The following PRDM5 variants were observed in gnomAD, a reference collection of about 807,000 sequenced individuals.
PRDM5 encodes the protein PR domain zinc finger protein 5.
Under a neutral mutation model 81.2 loss-of-function variants are expected in PRDM5, and 56 were observed. The ratio of observed to expected loss-of-function variants is 0.69; its 90% CI spans 0.56 to 0.86. PRDM5 has a LOEUF of 0.86. Ranked by LOEUF, PRDM5 falls within the 40% of genes least tolerant of loss-of-function variation. The pLI is 0.00. For synonymous variants in PRDM5, 267 were observed against 256.4 expected (o/e 1.04, Z -0.39); for missense variants, 697 against 770.1 (o/e 0.91, Z 1.12).
intron 10 of PRDM5, among the ~76,000 whole-genome samples, chr4:120,795,086 A>C (rs939025939): frequency 4.6e-5 from 7 of 152,216 alleles, no homozygotes; most frequent in African/African-American, 1.7e-4. Context: ...TAAGCCTCTA[A>C]AGTTTCATCC....
chr4:120,877,666 A>G (rs553300086), intron 2 of PRDM5, among the ~76,000 whole-genome samples: 43 of 152,262 alleles, frequency 2.8e-4, no homozygotes, highest in Non-Finnish European at 4.6e-4. Context: ...TTAGCTGGGC[A>G]TGGTGGCACA....
At chr4:120,805,135 C>A (rs1752723686) in intron 8 of PRDM5, among the ~76,000 whole-genome samples, 1 of 152,148 alleles carries the variant, frequency 6.6e-6, no homozygotes, top group African/African-American at 2.4e-5. Context: ...CATACACCCT[C>A]CCAAGACTAA....
chr4:120,745,952 C>T (rs1267078801), intron 14 of PRDM5, among the ~76,000 whole-genome samples: 594 of 126,434 alleles, frequency 4.7e-3, no homozygotes, highest in South Asian at 7.7e-3. Context: ...CATATGGAAC[C>T]AAAAAAGAGC....
chr4:120,809,459 CAAGT>C (rs1412796874), intron 8 of PRDM5, among the ~76,000 whole-genome samples: 1 of 151,814 alleles, frequency 6.6e-6, no homozygotes, highest in Non-Finnish European at 1.5e-5. Context: ...GTGAAAATGA[CAAGT>C]AATACTATTT....
intron 2 of PRDM5, among the ~76,000 whole-genome samples, chr4:120,906,981 T>C (rs1205486512): frequency 6.8e-6 from 1 of 147,030 alleles, no homozygotes; most frequent in African/African-American, 2.5e-5. Flanking sequence ...TCTAGTAAGA[T>C]ATCTCAACAG....
rs368866083 is a variant in PRDM5 at position 120,695,148 on chromosome 4, A to C, written c.1856T>G (p.Val619Gly). ...KKFTRNDYLK[V>G]HMDNIHGVAD... ...TACACCATGGATATTGTCCATGTGC[A>C]CTTTGAGGTAGTCATTCCTTGTAAA... Residue 619 changes from valine (V) to glycine (G), a missense_variant, in exon 16 of 16, where the codon GTG (valine) becomes GGG (glycine). By Grantham distance (109) the Val-to-Gly change is moderately radical. Around this residue, in one of 3 missense-constraint regions of PRDM5, gnomAD observed 34 missense variants for 28.1 expected, o/e 1.21. Transcript: ENST00000264808. 1 of 1,613,266 alleles carries C rather than the reference A, an allele frequency of 6.2e-7. No individual in the cohort carries two copies. Among genetic ancestry groups the C allele is most frequent in the Non-Finnish European group, 8.5e-7 (1 of 1,179,462 alleles).
chr4:120,711,194 A>C (rs1031003238), intron 14 of PRDM5, among the ~76,000 whole-genome samples: 1 of 152,220 alleles, frequency 6.6e-6, no homozygotes, highest in Non-Finnish European at 1.5e-5. Context: ...AGAGGGTACA[A>C]ATTGTTTACT....
At chr4:120,720,515 G>C (rs1354609217) in intron 14 of PRDM5, among the ~76,000 whole-genome samples, 1 of 152,192 alleles carries the variant, frequency 6.6e-6, no homozygotes, top group Non-Finnish European at 1.5e-5. Flanking sequence ...ACACAGCTGA[G>C]GGAACAGAGC....
intron 2 of PRDM5, among the ~76,000 whole-genome samples, chr4:120,889,456 C>A (rs1763811898): frequency 6.6e-6 from 1 of 152,094 alleles, no homozygotes; most frequent in African/African-American, 2.4e-5. Flanking sequence ...TACTTCAAAG[C>A]TGCCTTGATG....
chr4:120,753,435 A>T (rs1327200048), intron 14 of PRDM5, among the ~76,000 whole-genome samples: 5 of 152,192 alleles, frequency 3.3e-5, no homozygotes, highest in African/African-American at 1.2e-4. Flanking sequence ...AGAGTGAGAA[A>T]CCTGCTATAG....
intron 15 of PRDM5, among the ~76,000 whole-genome samples, chr4:120,708,557 AGGT>A (rs1352812763): frequency 1.3e-5 from 2 of 152,054 alleles, no homozygotes; most frequent in Non-Finnish European, 2.9e-5. Flanking sequence ...GGAGTTAGAG[AGGT>A]GGTGCTTGTA....
At chr4:120,755,083 C>T (rs1744529937) in intron 13 of PRDM5, among the ~76,000 whole-genome samples, 1 of 152,098 alleles carries the variant, frequency 6.6e-6, no homozygotes, top group Admixed American at 6.5e-5. Context: ...GAATTTGACT[C>T]AGTTAAGGCT....
chr4:120,849,333 C>G (rs1481378163), intron 3 of PRDM5, among the ~76,000 whole-genome samples: 1 of 152,114 alleles, frequency 6.6e-6, no homozygotes, highest in Admixed American at 6.5e-5. Context: ...TTATGACTAT[C>G]CATCCTCAGG....
chr4:120,760,885 T>C (rs1382518525), intron 13 of PRDM5, among the ~76,000 whole-genome samples: 1 of 151,942 alleles, frequency 6.6e-6, no homozygotes, highest in Non-Finnish European at 1.5e-5. Context: ...TTAAAGAAAA[T>C]ATATAAGATA....
At chr4:120,797,606 A>G (rs151120223) in intron 10 of PRDM5, among the ~76,000 whole-genome samples, 44 of 152,344 alleles carry the variant, frequency 2.9e-4, no homozygotes, top group African/African-American at 8.9e-4. Flanking sequence ...TCATTAAGAC[A>G]AAGAGGAAAC....
chr4:120,826,596 A>G (rs1169739202), intron 3 of PRDM5, among the ~76,000 whole-genome samples: 1 of 152,176 alleles, frequency 6.6e-6, no homozygotes, highest in East Asian at 1.9e-4. Context: ...TTAAAATAAT[A>G]GGTAGTAAAA....
chr4:120,695,172 A>G lies in PRDM5; in HGVS notation c.1832T>C (p.Phe611Ser). ...LAECQFCHKK[F>S]TRNDYLKVHM... ...CACTTTGAGGTAGTCATTCCTTGTA[A>G]ACTTCTTATGGCAAAACTGGCATTC... Residue 611 changes from phenylalanine (F) to serine (S), a missense_variant, in exon 16 of 16, where the codon TTT becomes TCT. This residue lies in a region of PRDM5 where 34 missense variants were observed against 28.1 expected (regional missense o/e 1.21). Coordinates refer to ENST00000264808, the MANE Select transcript of PRDM5 (RefSeq NM_018699.4). 1 of 1,613,612 alleles carries G rather than the reference A, an allele frequency of 6.2e-7. No homozygotes were observed. The highest frequency in any genetic ancestry group is 8.5e-7 in the Non-Finnish European group (1 of 1,179,646).
chr4:120,841,376 C>G (rs1278335739), intron 3 of PRDM5, among the ~76,000 whole-genome samples: 2 of 152,102 alleles, frequency 1.3e-5, no homozygotes, highest in Non-Finnish European at 2.9e-5. Flanking sequence ...TTATGACAGT[C>G]TATTCAGGCA....
chr4:120,906,888 GC>G (rs1765858086), intron 2 of PRDM5, among the ~76,000 whole-genome samples: 1 of 151,626 alleles, frequency 6.6e-6, no homozygotes, highest in Non-Finnish European at 1.5e-5. Context: ...TAAATTCAGG[GC>G]ATGCTTATTT....
Sources: gnomAD v4.1 joint callset for allele counts (sites outside exome capture counted in the v4.1 genomes callset) on GRCh38, gnomAD v4.1.1 for gene constraint, gnomAD v4.1.1 regional missense constraint, MANE v1.5 for transcripts, NCBI Gene and HGNC (gene_info 2026-07-23, HGNC 2026-07-21) for gene names.